The following ZDHHC21 variants were observed in gnomAD, a reference collection of about 807,000 sequenced individuals.
ZDHHC21 encodes the protein palmitoyltransferase ZDHHC21.
ZDHHC21 carries 15 observed loss-of-function variants against 34.6 expected under a neutral mutation model. That is an observed-to-expected ratio of 0.43 (90% CI 0.29 to 0.67). The LOEUF is 0.67. Among genes scored for constraint, ZDHHC21 ranks in the 30% least tolerant of loss-of-function variants. The pLI is 0.14. For synonymous variants in ZDHHC21, 142 were observed against 101.8 expected (o/e 1.40, Z -2.38); for missense variants, 344 against 327.7 (o/e 1.05, Z -0.38).
chr9:14,635,860 C>T (rs1194268621), intron 8 of ZDHHC21, among the ~76,000 whole-genome samples: 1 of 151,960 alleles, frequency 6.6e-6, no homozygotes, highest in Admixed American at 6.6e-5. Flanking sequence ...GACTCTGTCT[C>T]AATTTTTTTA....
the ZDHHC21 span, among the ~76,000 whole-genome samples, chr9:14,590,809 A>G: frequency 1.3e-5 from 2 of 152,200 alleles, no homozygotes; most frequent in African/African-American, 4.8e-5. Context: ...AAAAGGAACG[A>G]AGAGCACCAG....
chr9:14,632,184 G>A (rs1264335640), intron 8 of ZDHHC21, among the ~76,000 whole-genome samples: 3 of 152,122 alleles, frequency 2.0e-5, no homozygotes, highest in African/African-American at 2.4e-5. Context: ...CAGTAAAAAT[G>A]TATCAAAACT....
At chr9:14,692,462 A>G (rs1362730926) in intron 1 of ZDHHC21, among the ~76,000 whole-genome samples, 1 of 151,912 alleles carries the variant, frequency 6.6e-6, no homozygotes, top group Non-Finnish European at 1.5e-5. Flanking sequence ...TTTCTCTTCT[A>G]CTTTTAGAGA....
chr9:14,683,413 T>C (rs1042599158), intron 2 of ZDHHC21, among the ~76,000 whole-genome samples: 2 of 152,154 alleles, frequency 1.3e-5, no homozygotes, highest in African/African-American at 4.8e-5. Flanking sequence ...CAGAGAATAC[T>C]ATAAACACCT....
intron 7 of ZDHHC21, among the ~76,000 whole-genome samples, chr9:14,657,958 T>A (rs1832572070): frequency 6.6e-6 from 1 of 152,194 alleles, no homozygotes; most frequent in Admixed American, 6.5e-5. Context: ...ATAAATAAGA[T>A]GAAACATTTC....
intron 7 of ZDHHC21, among the ~76,000 whole-genome samples, chr9:14,653,354 A>G (rs1455205744): frequency 1.3e-5 from 2 of 151,988 alleles, no homozygotes; most frequent in East Asian, 1.9e-4. Flanking sequence ...TGTCAATGGT[A>G]ATAATGGTGA....
intron 6 of ZDHHC21, among the ~76,000 whole-genome samples, chr9:14,661,799 G>A (rs1464048279): frequency 1.3e-5 from 2 of 152,126 alleles, no homozygotes; most frequent in East Asian, 3.8e-4. Context: ...TTATCAGGGT[G>A]TCTGAAATGT....
At chr9:14,663,696 ACCT>A (rs1455030967) in intron 5 of ZDHHC21, among the ~76,000 whole-genome samples, 17 of 152,122 alleles carry the variant, frequency 1.1e-4, no homozygotes, top group African/African-American at 4.1e-4. Context: ...TATGAATAAA[ACCT>A]ACATCAAATT....
At chr9:14,636,719 C>A (rs1828376082) in intron 8 of ZDHHC21, among the ~76,000 whole-genome samples, 1 of 151,964 alleles carries the variant, frequency 6.6e-6, no homozygotes, top group African/African-American at 2.4e-5. Flanking sequence ...TCTGAGACCA[C>A]AGTGGAATAA....
chr9:14,684,303 C>G (rs1029508999), intron 2 of ZDHHC21, among the ~76,000 whole-genome samples: 2 of 151,526 alleles, frequency 1.3e-5, no homozygotes, highest in African/African-American at 4.9e-5. Context: ...TTAGAAAACC[C>G]CATTGTCTCA....
intron 7 of ZDHHC21, among the ~76,000 whole-genome samples, chr9:14,641,430 A>G (rs58351851): frequency 6.6e-6 from 1 of 152,198 alleles, no homozygotes; most frequent in Non-Finnish European, 1.5e-5. Context: ...ACACTATTTA[A>G]AAACACAAAT....
rs563827577 is a variant in ZDHHC21 at position 14,618,219 on chromosome 9, A to G, written c.*747T>C. ...CCCACTGGTCAGGAGTTCTCCTGGG[A>G]GCAAATATTTTAATCACAATCAATA... On this transcript the variant is annotated 3_prime_UTR_variant, in exon 10 of 10. Coordinates refer to ENST00000380916, the MANE Select transcript of ZDHHC21 (RefSeq NM_178566.6). The G allele has an allele frequency of 6.6e-6, 1 of 152,638 alleles. No individual in the cohort carries two copies. Among genetic ancestry groups the G allele is most frequent in the Middle Eastern group, 3.4e-3 (1 of 294 alleles). The allele number at this position is 152,638 out of a possible 1,614,324, so 9.5% of individuals were successfully genotyped here. A position where few individuals can be genotyped will look rare whatever the true frequency, so the allele number is the denominator to read the frequency against.
intron 6 of ZDHHC21, among the ~76,000 whole-genome samples, chr9:14,660,711 C>T (rs189950165): frequency 1.4e-3 from 220 of 152,108 alleles, no homozygotes; most frequent in African/African-American, 5.2e-3. Context: ...AGCAAGAGGC[C>T]CAGAAAGAGA....
chr9:14,689,362 T>C (rs1189423310), intron 2 of ZDHHC21, among the ~76,000 whole-genome samples: 1 of 152,204 alleles, frequency 6.6e-6, no homozygotes, highest in Non-Finnish European at 1.5e-5. Context: ...ATAAAGAATG[T>C]ATAATGCAAG....
In ZDHHC21 at chr9:14,638,921, C is replaced by A. The variant is rs116801707; in HGVS notation, c.621+975G>T. On this transcript the variant is annotated intron_variant, in intron 8 of 9. Transcript: ENST00000380916. ...ACTGTTGGTGGGAATGTAAATTAGCCTAATCACTAAGGAAAAGAATACTGA... is the reference window on the plus strand; with the variant it reads ...ACTGTTGGTGGGAATGTAAATTAGCATAATCACTAAGGAAAAGAATACTGA... Among the ~76,000 whole-genome samples, 1,384 of 151,828 alleles carry A rather than the reference C, an allele frequency of 9.1e-3. 26 individuals carry two copies. Among genetic ancestry groups the A allele is most frequent in the African/African-American group, 0.032 (1,308 of 41,432 alleles).
chr9:14,593,626 A>G, the ZDHHC21 span: 3 of 152,272 alleles, frequency 2.0e-5, no homozygotes. Context: ...CAAGGAAGAC[A>G]TGAAAGGAGC....
At position 14,613,129 on chromosome 9, in the gene ZDHHC21, C is replaced by A. The variant is rs1351862536; in HGVS notation, c.*5837G>T. 6.6e-6 allele frequency: 1 copy of A among 151,786 alleles called. No homozygotes were observed. The highest frequency in any genetic ancestry group is 1.5e-5 in the Non-Finnish European group (1 of 67,826). 9.4% of individuals were successfully genotyped at this position (151,786 alleles called of 1,614,324 possible). On this transcript the variant is annotated 3_prime_UTR_variant, in exon 10 of 10. Coordinates refer to ENST00000380916, the MANE Select transcript of ZDHHC21 (RefSeq NM_178566.6). Reference sequence around the variant, plus strand: ...TTAAAATACAAAATTAAAATCCATACATGCCTACCTAAAAAAAAATCCAAA... The same window carrying A: ...TTAAAATACAAAATTAAAATCCATAAATGCCTACCTAAAAAAAAATCCAAA...
At chr9:14,674,452 G>T in intron 3 of ZDHHC21, 67 bp from the exon 4 acceptor site, 1 of 996,454 alleles carries the variant, frequency 1.0e-6, no homozygotes, top group Non-Finnish European at 1.4e-6. Flanking sequence ...TGTATTTCTG[G>T]CAACTTTTAT....
chr9:14,620,383 G>A (rs1825092752), intron 8 of ZDHHC21, among the ~76,000 whole-genome samples: 1 of 151,826 alleles, frequency 6.6e-6, no homozygotes, highest in Non-Finnish European at 1.5e-5. Flanking sequence ...ATTGTTATAA[G>A]CAATAGCCAA....
Sources: gnomAD v4.1 joint callset for allele counts (sites outside exome capture counted in the v4.1 genomes callset) on GRCh38, gnomAD v4.1.1 for gene constraint, MANE v1.5 for transcripts, NCBI Gene and HGNC (gene_info 2026-07-23, HGNC 2026-07-21) for gene names.